RAB2A: variants seen among roughly 807,000 people sequenced by gnomAD.
RAB2A encodes RAB2A, member RAS oncogene family, also known as ras-related protein Rab-2A.
Under a neutral mutation model 32.5 loss-of-function variants are expected in RAB2A, and 7 were observed. That is an observed-to-expected ratio of 0.22 (90% CI 0.12 to 0.40). The LOEUF (loss-of-function observed/expected upper bound fraction) is 0.40. RAB2A is among the 10% of genes least tolerant of loss of function. The pLI, the probability that RAB2A is intolerant of heterozygous loss-of-function variation, is 1.00. For synonymous variants in RAB2A, 79 were observed against 85.2 expected, an observed-to-expected ratio of 0.93 and a Z score of 0.40; for missense variants, 108 against 260.7, an observed-to-expected ratio of 0.41 and a Z score of 4.03.
At chr8:60,578,933 T>C (rs1803687587) in intron 3 of RAB2A, among the ~76,000 whole-genome samples, 1 of 152,260 alleles carries the variant, frequency 6.6e-6, no homozygotes, top group African/African-American at 2.4e-5. Flanking sequence ...GTGACTTTAA[T>C]ATTAAGCATC....
chr8:60,521,597 A>G (rs1205072388), intron 1 of RAB2A, among the ~76,000 whole-genome samples: 1 of 152,158 alleles, frequency 6.6e-6, no homozygotes. Flanking sequence ...AAGTGAAATT[A>G]TGTATCATGC....
At chr8:60,587,178 A>G (rs1803865325) in intron 5 of RAB2A, among the ~76,000 whole-genome samples, 1 of 152,212 alleles carries the variant, frequency 6.6e-6, no homozygotes, top group Non-Finnish European at 1.5e-5. Flanking sequence ...ATAGATCAGT[A>G]GAGCCGAATA....
At chr8:60,552,928 A>G (rs1482817354) in intron 1 of RAB2A, 2 of 152,236 alleles carry the variant, frequency 1.3e-5, no homozygotes, top group Non-Finnish European at 2.9e-5. Context: ...CTGTCCTAAT[A>G]GAGCTGGGGG....
chr8:60,584,123 C>G (rs569837735), intron 3 of RAB2A, 85 bp from the exon 4 acceptor site: 221 of 1,115,386 alleles, frequency 2.0e-4, no homozygotes, highest in Non-Finnish European at 2.2e-4. Flanking sequence ...CCTTCCCTAC[C>G]TGCTCTTATT....
intron 1 of RAB2A, among the ~76,000 whole-genome samples, chr8:60,522,198 G>C (rs2130804308): frequency 6.6e-6 from 1 of 152,352 alleles, no homozygotes. Context: ...AGAGAAGGCA[G>C]ATCCCAGAGA....
intron 1 of RAB2A, among the ~76,000 whole-genome samples, chr8:60,545,496 C>T (rs1586072813): frequency 2.0e-5 from 3 of 151,908 alleles, no homozygotes; most frequent in South Asian, 2.1e-4. Flanking sequence ...AGGCTGGTCA[C>T]GAACTCCTGG....
At chr8:60,565,064 G>A (rs992988870) in intron 2 of RAB2A, among the ~76,000 whole-genome samples, 4 of 152,116 alleles carry the variant, frequency 2.6e-5, no homozygotes, top group African/African-American at 4.8e-5. Context: ...TTAGTCTAGC[G>A]GCTAGGCCAT....
chr8:60,526,017 G>GCACATATATATATATA lies in RAB2A; in HGVS notation c.46+8764_46+8765insCACATATATATATATA, dbSNP rs879271913. ...TGTCTATATGTATATATGTGTGTGT[G>GCACATATATATATATA]TACATATATATATATATATATATAT... On this transcript the variant is annotated intron_variant, in intron 1 of 7. Coordinates refer to ENST00000262646, the MANE Select transcript of RAB2A (RefSeq NM_002865.3). Among the ~76,000 whole-genome samples the GCACATATATATATATA allele has an allele frequency of 1.0e-3, 77 of 74,198 alleles. 3 individuals are homozygous for GCACATATATATATATA. Among genetic ancestry groups the GCACATATATATATATA allele is most frequent in the South Asian group, 1.3e-3 (3 of 2,246 alleles). 48.7% of individuals were successfully genotyped at this position (74,198 alleles called of 152,430 possible).
At chr8:60,581,773 G>A (rs1242053538) in intron 3 of RAB2A, among the ~76,000 whole-genome samples, 3 of 152,016 alleles carry the variant, frequency 2.0e-5, no homozygotes, top group African/African-American at 4.8e-5. Flanking sequence ...TTACGAGACC[G>A]AGACAGGTTG....
intron 1 of RAB2A, among the ~76,000 whole-genome samples, chr8:60,555,194 T>C (rs1472514029): frequency 1.3e-5 from 2 of 152,188 alleles, no homozygotes; most frequent in East Asian, 3.9e-4. Context: ...TCTCACCATA[T>C]AGAAAAATCA....
intron 2 of RAB2A, among the ~76,000 whole-genome samples, chr8:60,570,424 A>G (rs986519893): frequency 1.3e-5 from 2 of 152,152 alleles, no homozygotes; most frequent in African/African-American, 2.4e-5. Flanking sequence ...GAGTATTTCA[A>G]AGAACATCTG....
chr8:60,555,096 C>T (rs11996592), intron 1 of RAB2A, among the ~76,000 whole-genome samples: 81,054 of 152,032 alleles, frequency 0.53, 24,470 homozygotes, highest in African/African-American at 0.83. Flanking sequence ...TATATAGATA[C>T]AGTTTATGGA....
At chr8:60,619,151 A>G (rs966699544) in intron 7 of RAB2A, 2 of 152,076 alleles carry the variant, frequency 1.3e-5, no homozygotes, top group Admixed American at 6.5e-5. Flanking sequence ...ATATATATAT[A>G]TAAAATTGGC....
rs1804534871 is a variant in RAB2A, at chr8:60,621,891, AAG to A, written c.*1123_*1124del. 5 of 152,196 alleles carry A rather than the reference AAG, an allele frequency of 3.3e-5. No individual in the cohort carries two copies. Among genetic ancestry groups the A allele is most frequent in the Non-Finnish European group, 5.9e-5 (4 of 68,014 alleles). The allele number at this position is 152,196 out of a possible 1,614,324, so 9.4% of individuals were successfully genotyped here. On this transcript the variant is annotated 3_prime_UTR_variant, in exon 8 of 8. Transcript: ENST00000262646. Reference sequence around the variant, plus strand: ...TGGAAAATCCTGTTACAAAGTAGAAAAGCTTTAGTAATTTACTCAGTGTGGTG... The same window carrying A: ...TGGAAAATCCTGTTACAAAGTAGAAACTTTAGTAATTTACTCAGTGTGGTG...
intron 2 of RAB2A, chr8:60,569,868 A>C: frequency 2.4e-6 from 1 of 416,586 alleles, no homozygotes; most frequent in Non-Finnish European, 4.8e-6. Flanking sequence ...AATTCTAGCT[A>C]AGGTAAGCAA....
At chr8:60,560,367 G>A (rs952892776) in intron 2 of RAB2A, among the ~76,000 whole-genome samples, 3 of 152,210 alleles carry the variant, frequency 2.0e-5, no homozygotes, top group Non-Finnish European at 2.9e-5. Context: ...GGGATTACAG[G>A]TGTGAGCCAC....
chr8:60,618,480 ACTTT>A, intron 6 of RAB2A, 96 bp from the exon 7 acceptor site: 1 of 511,724 alleles, frequency 2.0e-6, no homozygotes, highest in Non-Finnish European at 2.9e-6. Context: ...ACGTCGATTG[ACTTT>A]CATATGTTGA....
At chr8:60,540,860 A>T (rs1807633587) in intron 1 of RAB2A, among the ~76,000 whole-genome samples, 1 of 152,202 alleles carries the variant, frequency 6.6e-6, no homozygotes, top group Non-Finnish European at 1.5e-5. Flanking sequence ...GGATATGGTG[A>T]TGAGAGATGA....
chr8:60,518,094 A>G (rs1807238496), intron 1 of RAB2A, among the ~76,000 whole-genome samples: 1 of 152,208 alleles, frequency 6.6e-6, no homozygotes, highest in Non-Finnish European at 1.5e-5. Flanking sequence ...GCTGAAAGAA[A>G]TTCAGTTATT....
Sources: allele counts gnomAD v4.1 joint callset (sites outside exome capture counted in the v4.1 genomes callset), GRCh38; gene constraint gnomAD v4.1.1; transcripts MANE v1.5; gene names NCBI Gene and HGNC (gene_info 2026-07-23, HGNC 2026-07-21).